Variants in CUL2 observed in about 807,000 individuals in gnomAD.
CUL2 encodes the protein cullin 2, also known as cullin-2.
CUL2 carries 22 observed loss-of-function variants against 110.2 expected under a neutral mutation model. The ratio of observed to expected loss-of-function variants is 0.20; its 90% CI spans 0.14 to 0.28. The LOEUF (loss-of-function observed/expected upper bound fraction) is 0.28. Among genes scored for constraint, CUL2 ranks in the 10% least tolerant of loss-of-function variants. The probability of loss-of-function intolerance (pLI) is 1.00; values close to 1 mark genes in which losing one functional copy is unlikely to be tolerated. For missense variants in CUL2, 631 were observed against 905.5 expected (o/e 0.70, Z 3.89); for synonymous variants, 279 against 293.2 (o/e 0.95, Z 0.49).
At chr10:35,088,217 T>C (rs2087108429) in intron 1 of CUL2, among the ~76,000 whole-genome samples, 3 of 152,114 alleles carry the variant, frequency 2.0e-5, no homozygotes. Context: ...AGGATAGAAA[T>C]TTAATGGGTT....
At chr10:35,028,630 G>A (rs1311924814) in intron 16 of CUL2, among the ~76,000 whole-genome samples, 180 bp downstream of exon 16, 1 of 152,126 alleles carries the variant, frequency 6.6e-6, no homozygotes, top group Non-Finnish European at 1.5e-5. Context: ...TAGCATTTTA[G>A]TATCAATATT....
At chr10:35,072,620 G>A (rs1258586915) in intron 1 of CUL2, among the ~76,000 whole-genome samples, 2 of 152,076 alleles carry the variant, frequency 1.3e-5, no homozygotes, top group African/African-American at 4.8e-5. Context: ...CGCCCACCTC[G>A]GCCTCCCAAA....
At chr10:35,062,203 C>G (rs1451140984) in intron 3 of CUL2, among the ~76,000 whole-genome samples, 1 of 152,172 alleles carries the variant, frequency 6.6e-6, no homozygotes, top group African/African-American at 2.4e-5. Flanking sequence ...CAGATCATGT[C>G]TGTGATGCTG....
chr10:35,016,102 C>T, intron 18 of CUL2, 90 bp downstream of exon 18: 4 of 1,075,524 alleles, frequency 3.7e-6, no homozygotes, highest in Non-Finnish European at 5.5e-6. Flanking sequence ...AGCACAATAA[C>T]AATTACAGCC....
intron 6 of CUL2, among the ~76,000 whole-genome samples, chr10:35,047,659 T>G (rs181289507): frequency 1.8e-4 from 27 of 151,042 alleles, no homozygotes; most frequent in African/African-American, 6.3e-4. Context: ...GGCTCACTCC[T>G]GTAATCCCCA....
At chr10:35,070,556 T>C (rs1335613651) in intron 2 of CUL2, among the ~76,000 whole-genome samples, 2 of 152,192 alleles carry the variant, frequency 1.3e-5, no homozygotes, top group African/African-American at 4.8e-5. Context: ...CACAGGAAAC[T>C]AGGCTTCAGG....
intron 2 of CUL2, chr10:35,097,883 C>T (rs1564752277): frequency 3.3e-5 from 5 of 152,044 alleles, no homozygotes; most frequent in Admixed American, 2.6e-4. Flanking sequence ...CACTTGAGCC[C>T]AGGAGGCAGA....
chr10:35,066,443 G>T (rs2086528089), intron 2 of CUL2, among the ~76,000 whole-genome samples: 1 of 151,088 alleles, frequency 6.6e-6, no homozygotes, highest in African/African-American at 2.4e-5. Context: ...GATTACAGTT[G>T]AGCGCCACCA....
Position 35,054,533 on chromosome 10 carries a change from G to C in CUL2, c.324C>G (p.Leu108=). 6.5e-7 allele frequency: 1 copy of C among 1,547,038 alleles called. No individual in the cohort carries two copies. The highest frequency in any genetic ancestry group is 1.2e-5 in the South Asian group (1 of 84,716). ...ADYMDCLYRY[L]NTQFIKKNKL... ...TATTCTTTTTAATAAACTGGGTGTT[G>C]AGATACCTGGAAAATAAATGTAATA... is the stretch of plus-strand genomic sequence containing the variant. Residue 108 remains leucine, a synonymous_variant, in exon 5 of 21, where the codon CTC becomes CTG. Coordinates refer to ENST00000374749, the MANE Select transcript of CUL2 (RefSeq NM_003591.4).
At position 35,116,439 on chromosome 10, in the gene CUL2, C is replaced by CT. The variant is rs1275025006; in HGVS notation, c.-51+10165dup. Among the ~76,000 whole-genome samples the CT allele has an allele frequency of 1.0e-3, 152 of 152,088 alleles. 3 individuals carry two copies. The highest frequency in any genetic ancestry group is 2.9e-4 in the Non-Finnish European group (20 of 68,004). On this transcript the variant is annotated intron_variant, in intron 1 of 5. Transcript: ENST00000685421. ...AAAGGCATAAACTACAAAACTTACTCTTTTTTAGTAAGAAATAGATAAGCT... is the reference window on the plus strand; with the variant it reads ...AAAGGCATAAACTACAAAACTTACTCTTTTTTTAGTAAGAAATAGATAAGCT...
intron 1 of CUL2, among the ~76,000 whole-genome samples, chr10:35,078,295 ATT>A (rs201741916): frequency 1.8e-4 from 26 of 142,158 alleles, no homozygotes; most frequent in Non-Finnish European, 2.2e-4. Context: ...GATCAGGTGA[ATT>A]TTTTTTTTTT....
At chr10:35,078,569 G>A (rs2086877258) in intron 1 of CUL2, among the ~76,000 whole-genome samples, 1 of 151,962 alleles carries the variant, frequency 6.6e-6, no homozygotes, top group Admixed American at 6.6e-5. Context: ...CCAAAGTGCT[G>A]GGATTACAGG....
chr10:35,119,985 C>A (rs981244805), intron 1 of CUL2: 3 of 152,186 alleles, frequency 2.0e-5, no homozygotes, highest in Non-Finnish European at 4.4e-5. Flanking sequence ...CTTATTCTTA[C>A]CTTTTCAGAA....
At chr10:35,045,338 C>T (rs2085907566) in intron 6 of CUL2, among the ~76,000 whole-genome samples, 1 of 152,068 alleles carries the variant, frequency 6.6e-6, no homozygotes, top group African/African-American at 2.4e-5. Flanking sequence ...CCTGTAATCC[C>T]AACACTTTGG....
rs760545956 is a variant in CUL2, at chr10:35,032,438, T to C, written c.1167A>G (p.Glu389=). The C allele has an allele frequency of 6.3e-7, 1 of 1,594,608 alleles. No individual in the cohort carries two copies. The highest frequency in any genetic ancestry group is 8.5e-7 in the Non-Finnish European group (1 of 1,173,998). ...TTTCAGCAACCACCAAACTTACCAG[T>C]TCAGGTGCTTTGCAAACAGACTTAG... ...REPKSVCKAP[E]LLAKYCDNLL... The change falls in exon 12 of 21, where the codon GAA becomes GAG. Residue 389 remains glutamate (E), a synonymous_variant. Transcript: ENST00000374749.
At chr10:35,021,944 G>A (rs2085212201) in intron 17 of CUL2, among the ~76,000 whole-genome samples, 1 of 151,562 alleles carries the variant, frequency 6.6e-6, no homozygotes, top group African/African-American at 2.4e-5. Context: ...GGCCCTATTA[G>A]CTCTTGAAAA....
intron 16 of CUL2, among the ~76,000 whole-genome samples, chr10:35,027,386 C>T (rs561352254): frequency 2.1e-4 from 32 of 152,100 alleles, no homozygotes; most frequent in African/African-American, 6.3e-4. Flanking sequence ...CCTCATGATC[C>T]GCCCGCCTCG....
chr10:35,025,682 T>C (rs2085320840), intron 16 of CUL2, among the ~76,000 whole-genome samples: 1 of 152,206 alleles, frequency 6.6e-6, no homozygotes, highest in African/African-American at 2.4e-5. Flanking sequence ...CTGATATTAT[T>C]GTGAACAATT....
At chr10:35,096,950 C>T (rs1389343170) in intron 2 of CUL2, among the ~76,000 whole-genome samples, 1 of 151,950 alleles carries the variant, frequency 6.6e-6, no homozygotes, top group Non-Finnish European at 1.5e-5. Context: ...GCTGGGATTA[C>T]AGACGCCTTC....
Sources: gnomAD v4.1 joint callset for allele counts (sites outside exome capture counted in the v4.1 genomes callset) on GRCh38, gnomAD v4.1.1 for gene constraint, MANE v1.5 for transcripts, NCBI Gene and HGNC (gene_info 2026-07-23, HGNC 2026-07-21) for gene names.